The following WDR74 variants were observed in gnomAD, a reference collection of about 807,000 sequenced individuals.
The protein encoded by WDR74 is WD repeat-containing protein 74.
WDR74 carries 31 observed loss-of-function variants against 45.6 expected under a neutral mutation model. That is an observed-to-expected ratio of 0.68 (90% CI 0.51 to 0.92). WDR74 has a LOEUF of 0.92. Ranked by LOEUF, WDR74 falls within the 40% of genes least tolerant of loss-of-function variation. The pLI is 0.00. For synonymous variants in WDR74, 191 were observed against 192.4 expected, an observed-to-expected ratio of 0.99 and a Z score of 0.06; for missense variants, 455 against 497.2, an observed-to-expected ratio of 0.92 and a Z score of 0.81.
At position 62,839,387 on chromosome 11, in the gene WDR74, C is replaced by G; in HGVS notation, c.106G>C (p.Gly36Arg). ...GCCTCCTCGCGCCGCGGCTGTCCTC[C>G]GGCCGTGAAGTTCGCCGCCTGTTTT... Reference protein sequence around the residue: ...QRKQAANFTAGGQPRREEAVS... With the variant: ...QRKQAANFTARGQPRREEAVS... The change falls in exon 2 of 11, where the codon GGA becomes CGA. Residue 36 changes from glycine to arginine, a missense_variant. Coordinates refer to ENST00000278856, the MANE Select transcript of WDR74 (RefSeq NM_001369450.1). 6.2e-7 allele frequency: 1 copy of G among 1,612,910 alleles called. No individual in the cohort carries two copies. Among genetic ancestry groups the G allele is most frequent in the Non-Finnish European group, 8.5e-7 (1 of 1,179,840 alleles).
intron 7 of WDR74, 37 bp downstream of exon 7, chr11:62,834,390 G>GCGGGGCC: frequency 3.8e-6 from 6 of 1,584,200 alleles, no homozygotes; most frequent in East Asian, 2.3e-5. Flanking sequence ...CCCTTCTCAA[G>GCGGGGCC]CCCCACCCTC....
At chr11:62,841,194 G>A (rs2085040035), upstream of WDR74, among the ~76,000 whole-genome samples, 1 of 152,142 alleles carries the variant, frequency 6.6e-6, no homozygotes. Context: ...GCGGGCGCCT[G>A]TAGTCCCAGC....
intron 3 of WDR74, 97 bp from the exon 4 acceptor site, chr11:62,836,133 A>AC: frequency 8.0e-7 from 1 of 1,253,504 alleles, no homozygotes; most frequent in African/African-American, 1.5e-5. Flanking sequence ...TAATGTTTAA[A>AC]GAAAAAAAAA....
chr11:62,835,613 TC>T, intron 5 of WDR74, 81 bp from the exon 6 acceptor site: 1 of 1,613,442 alleles, frequency 6.2e-7, no homozygotes, highest in Non-Finnish European at 8.5e-7. Flanking sequence ...GCCCCCTAAG[TC>T]CATCTAGTCT....
intron 7 of WDR74, 26 bp downstream of exon 7, chr11:62,834,401 C>A (rs2084927307): frequency 1.3e-6 from 2 of 1,596,324 alleles, no homozygotes; most frequent in Non-Finnish European, 1.7e-6. Flanking sequence ...CCCCACCCTC[C>A]CACCCCTTCC....
chr11:62,835,931 C>T, intron 4 of WDR74, 30 bp downstream of exon 4: 1 of 1,585,576 alleles, frequency 6.3e-7, no homozygotes, highest in Non-Finnish European at 8.6e-7. Flanking sequence ...CAGCCCACCT[C>T]CCCCAACCAT....
intron 10 of WDR74, among the ~76,000 whole-genome samples, 162 bp from the exon 11 acceptor site, chr11:62,833,293 G>GT (rs1381041480): frequency 1.7e-4 from 11 of 62,862 alleles, no homozygotes; most frequent in African/African-American, 4.4e-4. Flanking sequence ...ACAAAAAGAA[G>GT]TTTAAAAAAA....
chr11:62,837,846 T>A (rs2084982096), intron 3 of WDR74, among the ~76,000 whole-genome samples: 1 of 152,240 alleles, frequency 6.6e-6, no homozygotes, highest in African/African-American at 2.4e-5. Context: ...TAATCTTTGC[T>A]TTCAGAGCTA....
intron 3 of WDR74, 183 bp from the exon 4 acceptor site, chr11:62,836,219 C>T (rs1479446911): frequency 3.3e-6 from 2 of 606,622 alleles, no homozygotes; most frequent in South Asian, 2.0e-5. Context: ...AGAAGGAAGC[C>T]TCTAGGTCAC....
chr11:62,833,186 A>G, intron 10 of WDR74, 55 bp from the exon 11 acceptor site: 1 of 1,564,060 alleles, frequency 6.4e-7, no homozygotes, highest in Non-Finnish European at 8.7e-7. Flanking sequence ...GGTGGCTCCC[A>G]CCTGTAATCT....
Position 62,833,684 on chromosome 11 carries a change from A to G in WDR74, c.922-10T>C. The G allele has an allele frequency of 6.4e-7, 1 of 1,561,450 alleles. No homozygotes were observed. The highest frequency in any genetic ancestry group is 8.7e-7 in the Non-Finnish European group (1 of 1,152,454). On this transcript the variant is annotated splice_polypyrimidine_tract_variant and intron_variant, in intron 9 of 10. Coordinates refer to ENST00000278856, the MANE Select transcript of WDR74 (RefSeq NM_001369450.1). Reference sequence around the variant, plus strand: ...GAGACTTGAGATAAACCTGCAAAAGATGAGGGACCTTAAGGAGCCAGGCAT... The same window carrying G: ...GAGACTTGAGATAAACCTGCAAAAGGTGAGGGACCTTAAGGAGCCAGGCAT...
chr11:62,835,456 A>AGCTTCTGT lies in WDR74; in HGVS notation c.585_592dup (p.Leu198HisfsTer27). ...CTGGTGGTACCCTGTGCAGGTGACA[A>AGCTTCTGT]GCTTCTGTGATCCTGGGAGAAACTG... On this transcript the variant is annotated frameshift_variant, in exon 6 of 11. Transcript: ENST00000278856. LOFTEE classifies it high-confidence loss of function. 1 of 1,613,952 alleles carries AGCTTCTGT rather than the reference A, an allele frequency of 6.2e-7. No homozygotes were observed. The highest frequency in any genetic ancestry group is 8.5e-7 in the Non-Finnish European group (1 of 1,179,864).
In WDR74 at chr11:62,833,072, ATC is replaced by A. The variant is rs1424728686; in HGVS notation, c.1036_1037del (p.Asp346Ter). ...CTGCCTCCAAGGATGCCCAAAGTTC[ATC>A]TGTCTCTGTGTCTTCTAGGGGCACC... ...NKVPLEDTET[D>X]ELWASLEAAA... On this transcript the variant is annotated frameshift_variant, in exon 11 of 11. Coordinates refer to ENST00000278856, the MANE Select transcript of WDR74 (RefSeq NM_001369450.1). LOFTEE classifies it low-confidence loss of function (END_TRUNC). The A allele has an allele frequency of 1.2e-6, 2 of 1,612,042 alleles. No individual in the cohort carries two copies. Among genetic ancestry groups the A allele is most frequent in the Non-Finnish European group, 1.7e-6 (2 of 1,179,234 alleles).
At chr11:62,834,619 T>G (rs2084932160) in intron 6 of WDR74, 92 bp from the exon 7 acceptor site, 2 of 1,095,750 alleles carry the variant, frequency 1.8e-6, no homozygotes, top group Non-Finnish European at 2.6e-6. Context: ...GCACACTGCT[T>G]TCTTATTTAT....
At chr11:62,841,717 T>C (rs866304353), upstream of WDR74, 9 of 152,200 alleles carry the variant, frequency 5.9e-5, no homozygotes, top group East Asian at 1.9e-4. Flanking sequence ...AAAATCCATT[T>C]AATATATTGT....
chr11:62,838,963 G>C lies in WDR74; in HGVS notation c.293+151C>G, dbSNP rs1354974846. On this transcript the variant is annotated intron_variant, in intron 3 of 10. Transcript: ENST00000278856. ...AGGTGTTCAATAAATGTGTGTTACA[G>C]GTATGAACTACATAAGGCAGAAACC... 1.2e-5 allele frequency: 13 copies of C among 1,058,914 alleles called. No homozygotes were observed. The East Asian group carries it at 3.1e-4, about 25-fold the overall frequency. The allele number at this position is 1,058,914 out of a possible 1,614,324, so 65.6% of individuals were successfully genotyped here.
chr11:62,841,467 C>A (rs950106372), upstream of WDR74: 5 of 152,182 alleles, frequency 3.3e-5, no homozygotes, highest in Non-Finnish European at 5.9e-5. Context: ...TAAAACAAAA[C>A]CTTCTCTCAA....
At chr11:62,834,659 G>T in intron 6 of WDR74, 132 bp from the exon 7 acceptor site, 1 of 745,050 alleles carries the variant, frequency 1.3e-6, no homozygotes, top group Non-Finnish European at 2.2e-6. Context: ...TCTCATCTTA[G>T]ATGTATGCCT....
chr11:62,835,858 A>C lies in WDR74; in HGVS notation c.370-17T>G. ...TTCCAGGAGCTGTAAAGAATAGGAG[A>C]TAAGAGTCCGTTCCAGAGTCCTTAA... On this transcript the variant is annotated splice_polypyrimidine_tract_variant and intron_variant, in intron 4 of 10. Transcript: ENST00000278856. 6.2e-7 allele frequency: 1 copy of C among 1,604,686 alleles called. No individual in the cohort carries two copies. Among genetic ancestry groups the C allele is most frequent in the Non-Finnish European group, 8.5e-7 (1 of 1,175,426 alleles).
Sources: gnomAD v4.1 joint callset for allele counts (sites outside exome capture counted in the v4.1 genomes callset) on GRCh38, gnomAD v4.1.1 for gene constraint, MANE v1.5 for transcripts, NCBI Gene and HGNC (gene_info 2026-07-23, HGNC 2026-07-21) for gene names.